EYA4: variants seen among roughly 807,000 people sequenced by gnomAD.
The protein encoded by EYA4 is protein phosphatase EYA4.
A neutral mutation model predicts 87.9 loss-of-function variants in EYA4; 31 were observed. That is an observed-to-expected ratio of 0.35 (90% CI 0.27 to 0.48). The LOEUF is 0.48. EYA4 is among the 20% of genes least tolerant of loss of function. The probability of loss-of-function intolerance (pLI) is 0.99; values close to 1 mark genes in which losing one functional copy is unlikely to be tolerated. For synonymous variants in EYA4, 263 were observed against 270.6 expected (o/e 0.97, Z 0.28); for missense variants, 678 against 761.4 (o/e 0.89, Z 1.29).
At chr6:133,242,428 C>T (rs3777779) in intron 1 of EYA4, among the ~76,000 whole-genome samples, 38,192 of 152,046 alleles carry the variant, frequency 0.25, 5,400 homozygotes, top group East Asian at 0.44. Flanking sequence ...AGAGCAGTCG[C>T]GTTCATTGGC....
chr6:133,398,001 A>G (rs576747331), intron 3 of EYA4, among the ~76,000 whole-genome samples: 62 of 152,144 alleles, frequency 4.1e-4, no homozygotes, highest in African/African-American at 1.4e-3. Context: ...CTTACAGTGC[A>G]TTGTTTTGTG....
chr6:133,518,208 G>T (rs1322272433), intron 17 of EYA4, among the ~76,000 whole-genome samples: 1 of 151,672 alleles, frequency 6.6e-6, no homozygotes, highest in African/African-American at 2.4e-5. Context: ...AGTTAAAAAA[G>T]ATGATTACAT....
At chr6:133,425,966 C>A (rs918692730) in intron 3 of EYA4, among the ~76,000 whole-genome samples, 2 of 150,958 alleles carry the variant, frequency 1.3e-5, no homozygotes, top group African/African-American at 2.5e-5. Context: ...TAACTGCTTG[C>A]AGGAACGTGA....
intron 11 of EYA4, among the ~76,000 whole-genome samples, chr6:133,479,106 A>G (rs1156451469): frequency 6.6e-6 from 1 of 152,186 alleles, no homozygotes; most frequent in Non-Finnish European, 1.5e-5. Flanking sequence ...TCACCATTTT[A>G]TTTGAAAGCA....
chr6:133,497,455 C>G (rs1176941471), intron 13 of EYA4, among the ~76,000 whole-genome samples: 1 of 152,082 alleles, frequency 6.6e-6, no homozygotes, highest in Non-Finnish European at 1.5e-5. Context: ...CTTTTCCAAG[C>G]AGAACTATTC....
rs560805387 is a variant in EYA4 at position 133,530,097 on chromosome 6, A to T, written c.*1292A>T. The T allele has an allele frequency of 5.7e-5, 56 of 985,210 alleles. No individual in the cohort carries two copies. The African/African-American group carries it at 7.7e-4, about 13-fold the overall frequency. The allele number at this position is 985,210 out of a possible 1,614,324, so 61.0% of individuals were successfully genotyped here. On this transcript the variant is annotated 3_prime_UTR_variant, in exon 20 of 20. Transcript: ENST00000355286. ...TCCCAGATGGTGTCTAATGAAAGCA[A>T]TGAGTCTATGAAAATTTTACCTAGA...
chr6:133,504,516 A>G (rs991306511), intron 13 of EYA4, among the ~76,000 whole-genome samples: 10 of 152,214 alleles, frequency 6.6e-5, no homozygotes, highest in African/African-American at 2.4e-4. Context: ...TCTTGTCTCT[A>G]TCTTCACTCA....
chr6:133,256,185 A>G (rs1397896480), intron 1 of EYA4, among the ~76,000 whole-genome samples: 3 of 151,086 alleles, frequency 2.0e-5, no homozygotes, highest in African/African-American at 7.3e-5. Context: ...AATTCTATTA[A>G]CGATATATAT....
intron 3 of EYA4, among the ~76,000 whole-genome samples, chr6:133,443,935 A>G (rs1044431294): frequency 6.6e-6 from 1 of 152,184 alleles, no homozygotes; most frequent in Non-Finnish European, 1.5e-5. Flanking sequence ...TAGCCCACCT[A>G]TATCCCAGGT....
intron 2 of EYA4, among the ~76,000 whole-genome samples, chr6:133,346,676 A>G (rs1159578994): frequency 2.0e-5 from 3 of 152,084 alleles, no homozygotes; most frequent in South Asian, 2.1e-4. Flanking sequence ...CTGTCTTCCT[A>G]TCACTTTCAT....
intron 3 of EYA4, among the ~76,000 whole-genome samples, chr6:133,415,622 C>G (rs549261199): frequency 2.0e-5 from 3 of 152,196 alleles, no homozygotes; most frequent in Non-Finnish European, 2.9e-5. Flanking sequence ...ATCTCTGCTT[C>G]AGGTTTTCTC....
At chr6:133,489,079 GA>G (rs1200551969) in intron 13 of EYA4, among the ~76,000 whole-genome samples, 1 of 152,130 alleles carries the variant, frequency 6.6e-6, no homozygotes, top group African/African-American at 2.4e-5. Context: ...AAATCAAGCA[GA>G]AATTCTGGAA....
intron 2 of EYA4, among the ~76,000 whole-genome samples, chr6:133,355,799 C>T (rs1331616656): frequency 6.6e-6 from 1 of 152,084 alleles, no homozygotes; most frequent in East Asian, 1.9e-4. Flanking sequence ...AATAAGAGGG[C>T]ATGCTTTTAT....
At position 133,396,487 on chromosome 6, in the gene EYA4, C is replaced by G. The variant is rs531646532; in HGVS notation, c.83+14046C>G. Among the ~76,000 whole-genome samples, 61 of 152,282 alleles carry G rather than the reference C, an allele frequency of 4.0e-4. No homozygotes were observed. The South Asian group carries it at 4.1e-3, about 10-fold the overall frequency. On this transcript the variant is annotated intron_variant, in intron 3 of 19. Coordinates refer to ENST00000355286, the MANE Select transcript of EYA4 (RefSeq NM_004100.5). The stretch of plus-strand genomic sequence containing the variant: ...GGTGCAACAGCTGTTGTAGTAAAGA[C>G]TGAAGGCATTACATAGGAGCATCAT...
intron 2 of EYA4, among the ~76,000 whole-genome samples, chr6:133,355,873 T>C (rs1783979270): frequency 6.6e-6 from 1 of 152,188 alleles, no homozygotes; most frequent in Non-Finnish European, 1.5e-5. Context: ...GTTGTAGTCA[T>C]CTCAGGCTGC....
chr6:133,384,936 GTC>G (rs1464617460), intron 3 of EYA4, among the ~76,000 whole-genome samples: 2 of 152,166 alleles, frequency 1.3e-5, no homozygotes, highest in African/African-American at 4.8e-5. Flanking sequence ...CAAGAAAAAT[GTC>G]TCTAATATAG....
At chr6:133,461,981 C>G (rs1334668793) in intron 7 of EYA4, 3 of 347,828 alleles carry the variant, frequency 8.6e-6, no homozygotes, top group South Asian at 7.4e-5. Context: ...TATTAATTAG[C>G]TAGTGTGTGC....
At chr6:133,397,800 G>A (rs891956592) in intron 3 of EYA4, among the ~76,000 whole-genome samples, 41 of 152,284 alleles carry the variant, frequency 2.7e-4, no homozygotes, top group African/African-American at 9.4e-4. Context: ...TCACATGGGG[G>A]CCGACAAGAG....
At chr6:133,242,787 T>G (rs1472498956) in intron 1 of EYA4, among the ~76,000 whole-genome samples, 2 of 152,200 alleles carry the variant, frequency 1.3e-5, no homozygotes, top group Non-Finnish European at 2.9e-5. Flanking sequence ...TTTTGTCATC[T>G]CTTCCCTGCT....
Sources: allele counts gnomAD v4.1 joint callset (sites outside exome capture counted in the v4.1 genomes callset), GRCh38; gene constraint gnomAD v4.1.1; transcripts MANE v1.5; gene names NCBI Gene and HGNC (gene_info 2026-07-23, HGNC 2026-07-21).